Variants in XPO4 observed in about 807,000 individuals in gnomAD.
XPO4 encodes the protein exportin 4.
XPO4 carries 39 observed loss-of-function variants against 143.0 expected under a neutral mutation model. The observed-to-expected ratio is 0.27, with a 90% confidence interval of 0.21 to 0.36. The LOEUF (loss-of-function observed/expected upper bound fraction) is 0.36. Ranked by LOEUF, XPO4 falls within the 10% of genes least tolerant of loss-of-function variation. The pLI, the probability that XPO4 is intolerant of heterozygous loss-of-function variation, is 1.00. For missense variants in XPO4, 907 were observed against 1,348.0 expected (o/e 0.67, Z 5.12); for synonymous variants, 439 against 474.0 (o/e 0.93, Z 0.96).
At position 20,803,444 on chromosome 13, in the gene XPO4, C is replaced by A. The variant is rs1161504977; in HGVS notation, c.1818-2454G>T. ...AAAGAACCACTCAGCCTGAGTCAGG[C>A]AGGTCCAGGGGAGGCACCCAGGGGC... On this transcript the variant is annotated intron_variant, in intron 13 of 22. Transcript: ENST00000255305. The surrounding 1 kb of genome is among the most constrained non-coding windows in gnomAD (Gnocchi z 4.1). Among the ~76,000 whole-genome samples the A allele has an allele frequency of 6.6e-6, 1 of 152,180 alleles. No homozygotes were observed. Among genetic ancestry groups the A allele is most frequent in the Non-Finnish European group, 1.5e-5 (1 of 68,016 alleles).
At chr13:20,872,010 A>C (rs1331076533) in intron 1 of XPO4, among the ~76,000 whole-genome samples, 1 of 152,184 alleles carries the variant, frequency 6.6e-6, no homozygotes, top group Non-Finnish European at 1.5e-5. Context: ...CAGAATTTTA[A>C]ATTCCTTCTT....
At position 20,798,584 on chromosome 13, in the gene XPO4, T is replaced by C. The variant is rs529006016; in HGVS notation, c.2322+581A>G. ...AAGCCAGTCCATGCTCTCGACTGAG[T>C]TGTGAAAAATGTGCCTAAAATGCAG... On this transcript the variant is annotated intron_variant, in intron 16 of 22. Transcript: ENST00000255305. Among the ~76,000 whole-genome samples the C allele has an allele frequency of 1.5e-3, 229 of 152,200 alleles. 2 individuals are homozygous for C. Among genetic ancestry groups the C allele is most frequent in the African/African-American group, 5.2e-3 (215 of 41,530 alleles).
chr13:20,862,200 C>G (rs1310083525), intron 3 of XPO4, among the ~76,000 whole-genome samples: 1 of 152,074 alleles, frequency 6.6e-6, no homozygotes, highest in Non-Finnish European at 1.5e-5. Context: ...CAATACTTAC[C>G]ATTTTTCACC....
intron 9 of XPO4, among the ~76,000 whole-genome samples, chr13:20,819,966 A>C (rs2059698709): frequency 6.6e-6 from 1 of 152,206 alleles, no homozygotes; most frequent in South Asian, 2.1e-4. Context: ...CAACTTCACC[A>C]CACATCCCCA....
chr13:20,878,284 T>C (rs1157709914), intron 1 of XPO4, among the ~76,000 whole-genome samples: 3 of 152,158 alleles, frequency 2.0e-5, no homozygotes, highest in Non-Finnish European at 4.4e-5. Context: ...AAAAAGTTGA[T>C]AGTCCCAACC....
At chr13:20,823,258 T>A (rs2059742512) in intron 7 of XPO4, among the ~76,000 whole-genome samples, 1 of 152,192 alleles carries the variant, frequency 6.6e-6, no homozygotes, top group Non-Finnish European at 1.5e-5. Flanking sequence ...TAGGCTATAT[T>A]CACTTTGACT....
At chr13:20,866,117 T>G in intron 2 of XPO4, 1 of 984,222 alleles carries the variant, frequency 1.0e-6, no homozygotes. Context: ...CACTTGTTTT[T>G]TTAAAGGAAC....
rs144088821 is a variant in XPO4 at position 20,787,387 on chromosome 13, A to G, written c.3165+94T>C. 7.2e-4 allele frequency: 876 copies of G among 1,211,050 alleles called. 1 individual carries two copies. Among genetic ancestry groups the G allele is most frequent in the Admixed American group, 2.3e-3 (125 of 55,140 alleles). The allele number at this position is 1,211,050 out of a possible 1,614,324, so 75.0% of individuals were successfully genotyped here. On this transcript the variant is annotated intron_variant, in intron 21 of 22. Coordinates refer to ENST00000255305, the MANE Select transcript of XPO4 (RefSeq NM_022459.5). ...TCATGGTTTCCTTGCCCCCGAAAGA[A>G]TGGAAGCATTTCCTCATTTGAATGC...
At chr13:20,863,217 T>C in intron 2 of XPO4, 1 of 614,346 alleles carries the variant, frequency 1.6e-6, no homozygotes, top group Non-Finnish European at 2.1e-6. Flanking sequence ...AAACAGAACT[T>C]TGTATCTGAA....
intron 3 of XPO4, 30 bp downstream of exon 3, chr13:20,862,687 T>A: frequency 6.2e-7 from 1 of 1,612,870 alleles, no homozygotes; most frequent in Middle Eastern, 1.7e-4. Context: ...TCAGCAAAAG[T>A]ATTTCAGCAG....
In XPO4 at chr13:20,783,452, C is replaced by A. The variant is rs2059163944; in HGVS notation, c.*270G>T. On this transcript the variant is annotated 3_prime_UTR_variant, in exon 23 of 23. Transcript: ENST00000255305. Reference sequence around the variant, plus strand: ...TTCGTGGTGCCCATATCTGTTTGCACATATATGGAATTTCATTTTGAAAAT... The same window carrying A: ...TTCGTGGTGCCCATATCTGTTTGCAAATATATGGAATTTCATTTTGAAAAT... The A allele has an allele frequency of 1.9e-5, 9 of 483,026 alleles. No homozygotes were observed. In the South Asian group the frequency reaches 2.3e-4, roughly 12 times the overall value. 29.9% of individuals were successfully genotyped at this position (483,026 alleles called of 1,614,324 possible). A position where few individuals can be genotyped will look rare whatever the true frequency, so the allele number is the denominator to read the frequency against.
At chr13:20,813,056 C>A (rs1466858259) in intron 9 of XPO4, among the ~76,000 whole-genome samples, 1 of 152,136 alleles carries the variant, frequency 6.6e-6, no homozygotes, top group African/African-American at 2.4e-5. Context: ...AACTTACAAT[C>A]ATGGTGGAAG....
chr13:20,889,082 G>A (rs1332984512), intron 1 of XPO4, among the ~76,000 whole-genome samples: 3 of 151,846 alleles, frequency 2.0e-5, no homozygotes, highest in Admixed American at 2.0e-4. Context: ...CAAAGTGCTG[G>A]GATTACAGGC....
chr13:20,858,377 A>C (rs1159707143), intron 3 of XPO4, among the ~76,000 whole-genome samples: 5 of 152,182 alleles, frequency 3.3e-5, no homozygotes, highest in African/African-American at 9.7e-5. Flanking sequence ...CACGTTCAAG[A>C]ACTTTAAGGC....
At chr13:20,878,273 G>A (rs1415817999) in intron 1 of XPO4, among the ~76,000 whole-genome samples, 1 of 152,122 alleles carries the variant, frequency 6.6e-6, no homozygotes, top group Non-Finnish European at 1.5e-5. Context: ...GACTTATCTA[G>A]AAAAAGTTGA....
chr13:20,786,307 GTATATATA>G (rs35172496), intron 22 of XPO4, among the ~76,000 whole-genome samples: 1 of 146,996 alleles, frequency 6.8e-6, no homozygotes. Flanking sequence ...ACGTGTGTGT[GTATATATA>G]TATATATATA....
At chr13:20,790,415 CTTCAG>C in intron 19 of XPO4, 42 bp downstream of exon 19, 1 of 1,412,036 alleles carries the variant, frequency 7.1e-7, no homozygotes, top group Non-Finnish European at 1.0e-6. Flanking sequence ...TATCTTTGAA[CTTCAG>C]TTACACATAG....
At chr13:20,872,081 C>T (rs1336452054) in intron 1 of XPO4, among the ~76,000 whole-genome samples, 3 of 152,110 alleles carry the variant, frequency 2.0e-5, no homozygotes, top group African/African-American at 7.2e-5. Context: ...GTCCGGGAAA[C>T]CTTTTAAAAC....
intron 7 of XPO4, among the ~76,000 whole-genome samples, chr13:20,825,986 C>T (rs1412818092): frequency 1.3e-5 from 2 of 152,124 alleles, no homozygotes; most frequent in Non-Finnish European, 2.9e-5. Context: ...AAGGGCTCAT[C>T]TATATTTTTA....
Sources: allele counts gnomAD v4.1 joint callset (sites outside exome capture counted in the v4.1 genomes callset), GRCh38; gene constraint gnomAD v4.1.1; non-coding constraint Gnocchi (gnomAD v3.1); transcripts MANE v1.5; gene names NCBI Gene and HGNC (gene_info 2026-07-23, HGNC 2026-07-21).